Variants in SV2C observed in about 807,000 individuals in gnomAD.
SV2C encodes the protein solute carrier family 22 member B3.
Under a neutral mutation model 79.7 loss-of-function variants are expected in SV2C, and 49 were observed. The observed-to-expected ratio is 0.61, with a 90% CI of 0.49 to 0.78. The LOEUF (loss-of-function observed/expected upper bound fraction) is 0.78, where lower values mean the gene tolerates loss of function less well. Ranked by LOEUF, SV2C falls within the 30% of genes least tolerant of loss-of-function variation. The pLI is 0.00. For missense variants in SV2C, 833 were observed against 912.9 expected, an observed-to-expected ratio of 0.91 and a Z score of 1.13; for synonymous variants, 334 against 333.2, an observed-to-expected ratio of 1.00 and a Z score of -0.03.
intron 9 of SV2C, among the ~76,000 whole-genome samples, chr5:76,297,841 G>T (rs1356159425): frequency 1.3e-5 from 2 of 152,124 alleles, no homozygotes; most frequent in South Asian, 2.1e-4. Flanking sequence ...GTCCCTTTCT[G>T]CCCCTAATAA....
At chr5:76,334,958 T>TG (rs1323953338), downstream of SV2C, among the ~76,000 whole-genome samples, 4 of 152,216 alleles carry the variant, frequency 2.6e-5, no homozygotes, top group Non-Finnish European at 5.9e-5. Flanking sequence ...CAAGCAACAG[T>TG]GGGCTGTGTC....
At chr5:76,291,059 C>T (rs1747544539) in intron 6 of SV2C, among the ~76,000 whole-genome samples, 162 bp from the exon 7 acceptor site, 1 of 152,118 alleles carries the variant, frequency 6.6e-6, no homozygotes, top group Non-Finnish European at 1.5e-5. Flanking sequence ...TGTTTGGATC[C>T]ATATACTTAT....
the SV2C span, among the ~76,000 whole-genome samples, chr5:76,048,965 G>GAAAGAAAGAAAGAAAGAAAGAAAGAA: frequency 3.4e-5 from 2 of 58,164 alleles, no homozygotes; most frequent in African/African-American, 7.1e-5. Flanking sequence ...GAAAGAAAAA[G>GAAAGAAAGAAAGAAAGAAAGAAAGAA]AGAAAGAAAG....
chr5:76,243,817 A>G (rs1306722108), intron 4 of SV2C, among the ~76,000 whole-genome samples: 1 of 152,326 alleles, frequency 6.6e-6, no homozygotes, highest in East Asian at 1.9e-4. Context: ...GGGTGTGCCC[A>G]ATCAGGTCCT....
At chr5:76,320,297 G>A (rs1228899243) in intron 12 of SV2C, among the ~76,000 whole-genome samples, 1 of 152,086 alleles carries the variant, frequency 6.6e-6, no homozygotes, top group Non-Finnish European at 1.5e-5. Flanking sequence ...TGGGGAGAGA[G>A]GAATGAATAG....
chr5:76,068,453 G>A, the SV2C span, among the ~76,000 whole-genome samples: 1 of 151,920 alleles, frequency 6.6e-6, no homozygotes, highest in African/African-American at 2.4e-5. Context: ...CTGGGATTTT[G>A]TTCAGGATTT....
At chr5:75,876,198 A>G in the SV2C span, among the ~76,000 whole-genome samples, 1 of 152,236 alleles carries the variant, frequency 6.6e-6, no homozygotes, top group Non-Finnish European at 1.5e-5. Context: ...GATTGCATAA[A>G]GAAAACATGG....
the SV2C span, among the ~76,000 whole-genome samples, chr5:76,073,137 C>T: frequency 1.3e-5 from 2 of 151,906 alleles, no homozygotes; most frequent in African/African-American, 4.8e-5. Context: ...CATTTGTGCT[C>T]GGTTTCTTGG....
chr5:76,235,607 G>A (rs11959221), intron 4 of SV2C, among the ~76,000 whole-genome samples: 17,914 of 152,184 alleles, frequency 0.12, 3,067 homozygotes, highest in African/African-American at 0.38. Context: ...TGCTGTCACT[G>A]AGGTGTATTG....
chr5:76,050,790 A>T, the SV2C span, among the ~76,000 whole-genome samples: 1 of 152,210 alleles, frequency 6.6e-6, no homozygotes, highest in African/African-American at 2.4e-5. Context: ...TCAGAATTGT[A>T]CCAAGAAACA....
the SV2C span, among the ~76,000 whole-genome samples, chr5:76,008,543 A>G: frequency 6.6e-6 from 1 of 152,058 alleles, no homozygotes; most frequent in Non-Finnish European, 1.5e-5. Context: ...ATCACATTCC[A>G]TCTCCATACT....
At chr5:75,956,662 A>G in the SV2C span, among the ~76,000 whole-genome samples, 1 of 151,892 alleles carries the variant, frequency 6.6e-6, no homozygotes, top group African/African-American at 2.4e-5. Flanking sequence ...GGCTCAATTC[A>G]CCATCCCCGC....
intron 6 of SV2C, among the ~76,000 whole-genome samples, chr5:76,288,677 G>A (rs1747436095): frequency 6.6e-6 from 1 of 152,130 alleles, no homozygotes; most frequent in African/African-American, 2.4e-5. Flanking sequence ...TCCACTAATG[G>A]CGATGTGTTA....
At chr5:75,925,902 C>T in the SV2C span, among the ~76,000 whole-genome samples, 1 of 152,214 alleles carries the variant, frequency 6.6e-6, no homozygotes, top group South Asian at 2.1e-4. Context: ...ACAAGTTAAT[C>T]TTAGGTTTCC....
the SV2C span, among the ~76,000 whole-genome samples, chr5:75,926,080 T>G: frequency 6.6e-6 from 1 of 152,236 alleles, no homozygotes; most frequent in East Asian, 1.9e-4. Flanking sequence ...CTGCGGTTGA[T>G]AGAAAATGGC....
exon 13 of SV2C, chr5:76,353,777 AGAC>A (rs1395064916): frequency 6.6e-6 from 1 of 152,172 alleles, no homozygotes; most frequent in African/African-American, 2.4e-5. Flanking sequence ...ATCTTAACCA[AGAC>A]GCCTTTACTT....
intron 4 of SV2C, among the ~76,000 whole-genome samples, chr5:76,210,217 C>G (rs988435817): frequency 5.3e-5 from 8 of 152,180 alleles, no homozygotes; most frequent in Non-Finnish European, 8.8e-5. Context: ...CAATTTAACT[C>G]AATTCTGACA....
upstream of SV2C, among the ~76,000 whole-genome samples, chr5:76,082,638 C>T (rs1450341646): frequency 2.0e-5 from 2 of 101,536 alleles, no homozygotes; most frequent in Non-Finnish European, 5.2e-5. Context: ...CTCTCCACCC[C>T]CCCCCCCTCA....
intron 4 of SV2C, among the ~76,000 whole-genome samples, chr5:76,250,881 C>T (rs372108837): frequency 6.6e-6 from 1 of 152,028 alleles, no homozygotes. Context: ...ATTAAAAGGG[C>T]TTCTTGCCCT....
Sources: allele counts gnomAD v4.1 joint callset (sites outside exome capture counted in the v4.1 genomes callset), GRCh38; gene constraint gnomAD v4.1.1; transcripts MANE v1.5; gene names NCBI Gene and HGNC (gene_info 2026-07-23, HGNC 2026-07-21).